ABCC6: variants seen among roughly 807,000 people sequenced by gnomAD.
ABCC6 encodes ATP-binding cassette sub-family C member 6.
Under a neutral mutation model 169.5 loss-of-function variants are expected in ABCC6, and 126 were observed. The ratio of observed to expected loss-of-function variants is 0.74; its 90% CI spans 0.64 to 0.86. The LOEUF is 0.86. ABCC6 is among the 40% of genes least tolerant of loss of function. The probability of loss-of-function intolerance (pLI) is 0.00; values close to 1 mark genes in which losing one functional copy is unlikely to be tolerated. For missense variants in ABCC6, 1,733 were observed against 1,927.2 expected (o/e 0.90, Z 1.89); for synonymous variants, 752 against 814.7 (o/e 0.92, Z 1.31).
chr16:16,210,859 C>T (rs1188162797), intron 6 of ABCC6, among the ~76,000 whole-genome samples: 2 of 152,078 alleles, frequency 1.3e-5, no homozygotes, highest in Non-Finnish European at 2.9e-5. Flanking sequence ...TTTGGGAGGT[C>T]GAGTGGGGTA....
rs1370339579 is a variant in ABCC6 at position 16,188,969 on chromosome 16, T to C, written c.1641A>G (p.Ala547=). The C allele has an allele frequency of 6.2e-7, 1 of 1,612,708 alleles. No homozygotes were observed. The highest frequency in any genetic ancestry group is 8.5e-7 in the Non-Finnish European group (1 of 1,179,236). The change falls in exon 13 of 31, where the codon GCA becomes GCG. Residue 547 remains alanine, a synonymous_variant. Coordinates refer to ENST00000205557, the MANE Select transcript of ABCC6 (RefSeq NM_001171.6). ...GAGTGTGGACAGCAAACACCACCAG[T>C]GCGACCTGGGGGGTGGGGGGGACAC... ...VSFQVSTFLV[A]LVVFAVHTLV...
chr16:16,189,059 G>A lies in ABCC6; in HGVS notation c.1636-85C>T, dbSNP rs1003966810. On this transcript the variant is annotated intron_variant, in intron 12 of 30. Transcript: ENST00000205557. The stretch of plus-strand genomic sequence containing the variant: ...CCTGGGCAAGCTGTGGTGCCTGCAC[G>A]GTCCATGTGGCCCACCCGCCATGTC... 17 of 1,492,780 alleles carry A rather than the reference G, an allele frequency of 1.1e-5. No individual in the cohort carries two copies. In the East Asian group the frequency reaches 3.2e-4, roughly 28 times the overall value. 92.5% of individuals were successfully genotyped at this position (1,492,780 alleles called of 1,614,324 possible).
In ABCC6 at chr16:16,155,001, T is replaced by C; in HGVS notation, c.3913A>G (p.Lys1305Glu). ...AGCAGCCCACTGGCCAGGGAGGACTTCCCTGCCCCGGTCCTGCCAACGATG... is the reference window on the plus strand; with the variant it reads ...AGCAGCCCACTGGCCAGGGAGGACTCCCCTGCCCCGGTCCTGCCAACGATG... ...VGIVGRTGAGKSSLASGLLRL... is the reference protein window; with the variant it reads ...VGIVGRTGAGESSLASGLLRL... The change falls in exon 28 of 31, where the codon AAG (lysine) becomes GAG (glutamate). Residue 1305 changes from lysine to glutamate, a missense_variant. Lys to Glu is a moderately conservative substitution (Grantham distance 56, BLOSUM62 1). Around this residue, in one of 5 missense-constraint regions of ABCC6, gnomAD observed 1,601 missense variants for 1,635.5 expected, o/e 0.98. Coordinates refer to ENST00000205557, the MANE Select transcript of ABCC6 (RefSeq NM_001171.6). 1 of 1,565,542 alleles carries C rather than the reference T, an allele frequency of 6.4e-7. No individual in the cohort carries two copies. Among genetic ancestry groups the C allele is most frequent in the Admixed American group, 1.9e-5 (1 of 52,920 alleles).
chr16:16,161,905 AAATTGTAATCCCC>A (rs2046733209), intron 24 of ABCC6, among the ~76,000 whole-genome samples: 1 of 151,784 alleles, frequency 6.6e-6, no homozygotes, highest in Admixed American at 6.6e-5. Context: ...ATCTCATCTC[AAATTGTAATCCCC>A]ACATGTGGAG....
chr16:16,176,057 G>A (rs2047269562), intron 19 of ABCC6, 71 bp from the exon 20 acceptor site: 2 of 1,453,678 alleles, frequency 1.4e-6, no homozygotes. Flanking sequence ...TGACTATGTG[G>A]CCTTAACCGC....
In ABCC6 at chr16:16,182,002, C is replaced by T. The variant is rs2047491025; in HGVS notation, c.2247+410G>A. 1.5e-5 allele frequency: 4 copies of T among 274,914 alleles called. No homozygotes were observed. The Admixed American group carries it at 1.9e-4, about 13-fold the overall frequency. 17.0% of individuals were successfully genotyped at this position (274,914 alleles called of 1,614,324 possible). ...GGCTTGGGGTCACAGTTTGCCAACC[C>T]CTGCCCAATCCATAGCTCCAGATGC... On this transcript the variant is annotated intron_variant, in intron 17 of 30. Transcript: ENST00000205557.
rs570886372 is a variant in ABCC6 at position 16,157,600 on chromosome 16, C to T, written c.3882+63G>A. 1.3e-4 allele frequency: 205 copies of T among 1,607,038 alleles called. 3 individuals carry two copies. The South Asian group carries it at 2.0e-3, about 15-fold the overall frequency. On this transcript the variant is annotated intron_variant, in intron 27 of 30. Coordinates refer to ENST00000205557, the MANE Select transcript of ABCC6 (RefSeq NM_001171.6). ...GGTGGCTGGTGCCCAGGGTTTAGGG[C>T]CTTGTCCCTGGAGTCCTTTGGCCTA...
rs576328904 is a variant in ABCC6, at chr16:16,157,775, G to T, written c.3770C>A (p.Pro1257His). 2.9e-5 allele frequency: 47 copies of T among 1,613,406 alleles called. No individual in the cohort carries two copies. The highest frequency in any genetic ancestry group is 1.2e-4 in the Admixed American group (7 of 60,016). Residue 1257 changes from proline to histidine, a missense_variant, in exon 27 of 31, where the codon CCC becomes CAC. This residue lies in a region of ABCC6 where 1,601 missense variants were observed against 1,635.5 expected (regional missense o/e 0.98). Coordinates refer to ENST00000205557, the MANE Select transcript of ABCC6 (RefSeq NM_001171.6). Reference sequence around the variant, plus strand: ...GATCTGCCCGCCCTGAGGCCAGGGGGGCTGAGCTGCACATGTGGGCAGCCT... The same window carrying T: ...GATCTGCCCGCCCTGAGGCCAGGGGTGCTGAGCTGCACATGTGGGCAGCCT... ...PWRLPTCAAQ[P>H]PWPQGGQIEF...
intron 20 of ABCC6, among the ~76,000 whole-genome samples, chr16:16,175,011 G>A (rs12931553): frequency 0.26 from 39,669 of 151,254 alleles, 6,483 homozygotes; most frequent in Non-Finnish European, 0.36. Context: ...CTGACCTCTA[G>A]CTAGTGATCC....
At position 16,182,423 on chromosome 16, in the gene ABCC6, T is replaced by C. The variant is rs1381824291; in HGVS notation, c.2236A>G (p.Ile746Val). 1.2e-6 allele frequency: 2 copies of C among 1,613,730 alleles called. No individual in the cohort carries two copies. The highest frequency in any genetic ancestry group is 2.2e-5 in the East Asian group (1 of 44,884). Residue 746 changes from isoleucine (I) to valine (V), a missense_variant, in exon 17 of 31, where the codon ATT becomes GTT. Ile to Val is a conservative substitution (Grantham distance 29). This residue lies in a region of ABCC6 where 1,601 missense variants were observed against 1,635.5 expected (regional missense o/e 0.98). Transcript: ENST00000205557. ...CCCCAAACTCTCACCTGCTCCCCAA[T>C]TGAAGTGTGGATTCCCTCAGGGAAG... ...DSFPEGIHTS[I>V]GEQGMNLSGG...
intron 14 of ABCC6, among the ~76,000 whole-genome samples, chr16:16,186,881 T>C (rs541034070): frequency 3.9e-5 from 6 of 152,248 alleles, no homozygotes; most frequent in East Asian, 3.9e-4. Context: ...GAGTGTTCCC[T>C]GTTGTACACC....
At chr16:16,210,205 C>T (rs1334880471) in intron 6 of ABCC6, among the ~76,000 whole-genome samples, 2 of 151,248 alleles carry the variant, frequency 1.3e-5, no homozygotes, top group South Asian at 2.1e-4. Flanking sequence ...GGTGTGATCT[C>T]GGCTCACCGC....
chr16:16,207,252 C>T (rs2048422032), intron 7 of ABCC6, among the ~76,000 whole-genome samples: 1 of 152,382 alleles, frequency 6.6e-6, no homozygotes, highest in Non-Finnish European at 1.5e-5. Context: ...GAAGGGACCA[C>T]CAGTCATGGC....
chr16:16,186,957 C>G (rs1458674776), intron 14 of ABCC6, among the ~76,000 whole-genome samples, 167 bp downstream of exon 14: 2 of 152,076 alleles, frequency 1.3e-5, no homozygotes, highest in African/African-American at 4.8e-5. Flanking sequence ...AAGAGCAGCA[C>G]GGTGCCAGTT....
rs139535515 is a variant in ABCC6, at chr16:16,193,057, C to T, written c.1339-135G>A. On this transcript the variant is annotated intron_variant, in intron 10 of 30. Coordinates refer to ENST00000205557, the MANE Select transcript of ABCC6 (RefSeq NM_001171.6). ...AGACCTACTGGGCTGCATTCCCAGA[C>T]GGTTAGGGTATTGTAAGTCACAGGA... 3.2e-3 allele frequency: 2,257 copies of T among 710,540 alleles called. 16 individuals are homozygous for T. The highest frequency in any genetic ancestry group is 0.021 in the African/African-American group (1,196 of 56,472). 44.0% of individuals were successfully genotyped at this position (710,540 alleles called of 1,614,324 possible). A position where few individuals can be genotyped will look rare whatever the true frequency, so the allele number is the denominator to read the frequency against.
At chr16:16,180,161 A>G (rs2047421359) in intron 17 of ABCC6, among the ~76,000 whole-genome samples, 1 of 152,160 alleles carries the variant, frequency 6.6e-6, no homozygotes, top group Non-Finnish European at 1.5e-5. Context: ...GGCTGTAAAT[A>G]CAGATGAAAC....
At chr16:16,175,484 C>T (rs1374604338) in intron 20 of ABCC6, among the ~76,000 whole-genome samples, 1 of 152,180 alleles carries the variant, frequency 6.6e-6, no homozygotes, top group Admixed American at 6.5e-5. Context: ...CCCTTGCCCA[C>T]GTGTTCTGGC....
rs2048246120 is a variant in ABCC6, at chr16:16,201,868, A to T, written c.1176+133T>A. The T allele has an allele frequency of 9.1e-6, 9 of 992,174 alleles. No individual in the cohort carries two copies. The East Asian group carries it at 2.2e-4, about 25-fold the overall frequency. 61.5% of individuals were successfully genotyped at this position (992,174 alleles called of 1,614,324 possible). A position where few individuals can be genotyped will look rare whatever the true frequency, so the allele number is the denominator to read the frequency against. On this transcript the variant is annotated intron_variant, in intron 9 of 30. Coordinates refer to ENST00000205557, the MANE Select transcript of ABCC6 (RefSeq NM_001171.6). ...TATAATACAGAGAAATAACTAAGGA[A>T]GTGAGAATGTATGGTGAGTGACTCT...
chr16:16,180,651 T>A (rs2047437637), intron 17 of ABCC6, among the ~76,000 whole-genome samples: 1 of 151,976 alleles, frequency 6.6e-6, no homozygotes, highest in Admixed American at 6.6e-5. Context: ...CCACCATGCC[T>A]GGCTAATTTT....
Sources: allele counts gnomAD v4.1 joint callset (sites outside exome capture counted in the v4.1 genomes callset), GRCh38; gene constraint gnomAD v4.1.1; regional missense constraint gnomAD v4.1.1; transcripts MANE v1.5; gene names NCBI Gene and HGNC (gene_info 2026-07-23, HGNC 2026-07-21).